DNAH17: variants seen among roughly 807,000 people sequenced by gnomAD.
DNAH17 encodes axonemal beta dynein heavy chain 17.
Under a neutral mutation model 485.6 loss-of-function variants are expected in DNAH17, and 376 were observed. The observed-to-expected ratio is 0.77, with a 90% CI of 0.71 to 0.84. The LOEUF is 0.84. DNAH17 is among the 40% of genes least tolerant of loss of function. The probability of loss-of-function intolerance (pLI) is 0.00; values close to 1 mark genes in which losing one functional copy is unlikely to be tolerated. For synonymous variants in DNAH17, 3,031 were observed against 2,405.9 expected, an observed-to-expected ratio of 1.26 and a Z score of -7.60; for missense variants, 6,370 against 5,839.3, an observed-to-expected ratio of 1.09 and a Z score of -2.96.
chr17:78,527,185 C>T (rs545217711), intron 22 of DNAH17, among the ~76,000 whole-genome samples, 189 bp from the exon 23 acceptor site: 6 of 152,120 alleles, frequency 3.9e-5, no homozygotes, highest in Non-Finnish European at 8.8e-5. Flanking sequence ...GAGTTCGAGA[C>T]CAGCCTGGGC....
intron 48 of DNAH17, among the ~76,000 whole-genome samples, chr17:78,481,878 G>A (rs1209793823): frequency 6.6e-6 from 1 of 151,978 alleles, no homozygotes; most frequent in Non-Finnish European, 1.5e-5. Context: ...AGCCAGGCAT[G>A]GTGGCAGGCA....
intron 71 of DNAH17, 147 bp downstream of exon 71, chr17:78,444,457 C>T (rs975940796): frequency 5.4e-6 from 4 of 735,830 alleles, no homozygotes; most frequent in Admixed American, 6.5e-5. Flanking sequence ...CCCTCTAAGC[C>T]CTGTTTCGTT....
intron 25 of DNAH17, among the ~76,000 whole-genome samples, chr17:78,519,977 G>C (rs1446800682): frequency 1.3e-5 from 2 of 152,102 alleles, no homozygotes; most frequent in African/African-American, 4.8e-5. Context: ...TGGGTGTGGT[G>C]GTGGGCACCT....
rs955641930 is a variant in DNAH17, at chr17:78,571,100, C to A, written c.833-67G>T. 6 of 1,434,494 alleles carry A rather than the reference C, an allele frequency of 4.2e-6. No homozygotes were observed. The East Asian group carries it at 1.2e-4, about 30-fold the overall frequency. 88.9% of individuals were successfully genotyped at this position (1,434,494 alleles called of 1,614,324 possible). A position where few individuals can be genotyped will look rare whatever the true frequency, so the allele number is the denominator to read the frequency against. On this transcript the variant is annotated intron_variant, in intron 5 of 80. Transcript: ENST00000389840. ...AAATTGCTCAGAAACGATGAGGGTG[C>A]GGCTCCATGTGCTGAGACCTGCTCC...
intron 6 of DNAH17, 92 bp downstream of exon 6, chr17:78,570,856 C>CAAAAAAAAAAAAAAAAAAAAAAAAAA (rs60897530): frequency 5.5e-5 from 16 of 292,118 alleles, no homozygotes; most frequent in African/African-American, 8.9e-5. Flanking sequence ...GACTCCCTCT[C>CAAAAAAAAAAAAAAAAAAAAAAAAAA]AAAAAAAAAA....
At chr17:78,454,339 G>T in intron 64 of DNAH17, 131 bp downstream of exon 64, 1 of 677,944 alleles carries the variant, frequency 1.5e-6, no homozygotes, top group Non-Finnish European at 2.5e-6. Context: ...CTGTTCCCCA[G>T]GCCAGATTTA....
chr17:78,482,070 CTTTTT>C (rs36105381), intron 48 of DNAH17, among the ~76,000 whole-genome samples: 3 of 130,652 alleles, frequency 2.3e-5, no homozygotes, highest in Admixed American at 8.1e-5. Context: ...ACACTAGTTA[CTTTTT>C]TTTTTTTTTT....
intron 30 of DNAH17, among the ~76,000 whole-genome samples, chr17:78,506,203 C>T (rs988771761): frequency 2.9e-5 from 4 of 137,684 alleles, no homozygotes; most frequent in South Asian, 2.4e-4. Flanking sequence ...TGCAGTGGTG[C>T]GATCTTGGCT....
intron 62 of DNAH17, among the ~76,000 whole-genome samples, chr17:78,457,835 A>G (rs1325269885): frequency 2.0e-5 from 3 of 151,942 alleles, no homozygotes; most frequent in East Asian, 1.9e-4. Flanking sequence ...TAATTTTTGT[A>G]TTTTTAGTAG....
At chr17:78,492,792 G>T in intron 41 of DNAH17, 27 bp from the exon 42 acceptor site, 5 of 1,598,214 alleles carry the variant, frequency 3.1e-6, no homozygotes, top group Non-Finnish European at 3.4e-6. Flanking sequence ...TCACTCACGT[G>T]TGACTCCATG....
chr17:78,539,989 A>G, intron 17 of DNAH17, 109 bp from the exon 18 acceptor site: 1 of 1,157,110 alleles, frequency 8.6e-7, no homozygotes, highest in Non-Finnish European at 1.1e-6. Flanking sequence ...CACGCCGGAC[A>G]CACGGGGCTG....
At chr17:78,526,588 T>C in intron 24 of DNAH17, 63 bp downstream of exon 24, 2 of 1,392,464 alleles carry the variant, frequency 1.4e-6, no homozygotes, top group Middle Eastern at 1.9e-4. Context: ...GATAACTACT[T>C]GAGAAAAGAA....
Position 78,571,035 on chromosome 17 carries a change from T to TG in DNAH17, c.833-3dup. 1.3e-6 allele frequency: 2 copies of TG among 1,567,428 alleles called. No individual in the cohort carries two copies. The highest frequency in any genetic ancestry group is 1.7e-6 in the Non-Finnish European group (2 of 1,155,730). On this transcript the variant is annotated splice_polypyrimidine_tract_variant and splice_region_variant and intron_variant, in intron 5 of 80. Transcript: ENST00000389840. Reference sequence around the variant, plus strand: ...CGATGTCGTTGGCTTCCTTCAGCCCTGCACGGAACAAGAACAAGTGCCCAC... The same window carrying TG: ...CGATGTCGTTGGCTTCCTTCAGCCCTGGCACGGAACAAGAACAAGTGCCCAC...
chr17:78,498,929 A>C, intron 37 of DNAH17, 79 bp downstream of exon 37: 1 of 1,120,610 alleles, frequency 8.9e-7, no homozygotes, highest in Non-Finnish European at 1.3e-6. Context: ...AGGAGGGTCT[A>C]TCTGGCGTGT....
At chr17:78,452,609 G>A (rs914252352) in intron 65 of DNAH17, among the ~76,000 whole-genome samples, 3 of 152,158 alleles carry the variant, frequency 2.0e-5, no homozygotes, top group Non-Finnish European at 2.9e-5. Context: ...ACGTTGGTGT[G>A]TTCCTGTAAT....
At chr17:78,460,495 G>C (rs954451695) in intron 58 of DNAH17, among the ~76,000 whole-genome samples, 2 of 152,264 alleles carry the variant, frequency 1.3e-5, no homozygotes, top group Admixed American at 1.3e-4. Context: ...CAGCAGGTCT[G>C]AGCTCCATAA....
chr17:78,498,475 G>A (rs993671085), intron 37 of DNAH17, among the ~76,000 whole-genome samples: 5 of 152,202 alleles, frequency 3.3e-5, no homozygotes, highest in East Asian at 1.9e-4. Flanking sequence ...TGGGGCCCAC[G>A]CTGGAGATTT....
intron 9 of DNAH17, among the ~76,000 whole-genome samples, chr17:78,568,413 G>A (rs1386374207): frequency 2.0e-5 from 3 of 152,178 alleles, no homozygotes; most frequent in Non-Finnish European, 2.9e-5. Flanking sequence ...TTAAGTCAAT[G>A]CTTTACAGTT....
At chr17:78,558,299 C>A in intron 13 of DNAH17, 45 bp from the exon 14 acceptor site, 1 of 1,602,506 alleles carries the variant, frequency 6.2e-7, no homozygotes, top group Non-Finnish European at 8.5e-7. Context: ...CAGGTCAGGT[C>A]AACAGTGCAG....
Sources: gnomAD v4.1 joint callset for allele counts (sites outside exome capture counted in the v4.1 genomes callset) on GRCh38, gnomAD v4.1.1 for gene constraint, MANE v1.5 for transcripts, NCBI Gene and HGNC (gene_info 2026-07-23, HGNC 2026-07-21) for gene names.